The following GRM8 variants were observed in gnomAD, a reference collection of about 807,000 sequenced individuals.
GRM8 encodes glutamate metabotropic receptor 8, also known as metabotropic glutamate receptor 8.
In GRM8, 47 loss-of-function variants were observed where a neutral mutation model predicts 87.2. That is an observed-to-expected ratio of 0.54 (90% CI 0.43 to 0.69). GRM8 has a LOEUF of 0.69. Ranked by LOEUF, GRM8 falls within the 30% of genes least tolerant of loss-of-function variation. The pLI is 0.00. For missense variants in GRM8, 1,019 were observed against 1,139.2 expected (o/e 0.89, Z 1.52); for synonymous variants, 396 against 404.5 (o/e 0.98, Z 0.25).
intron 6 of GRM8, among the ~76,000 whole-genome samples, chr7:126,842,770 G>A (rs1219134378): frequency 6.6e-6 from 1 of 152,188 alleles, no homozygotes; most frequent in Admixed American, 6.5e-5. Context: ...GCAGCTTCTA[G>A]AAGCTGAAAA....
At chr7:127,122,572 T>C (rs1827148043) in intron 2 of GRM8, among the ~76,000 whole-genome samples, 2 of 136,120 alleles carry the variant, frequency 1.5e-5, no homozygotes, top group African/African-American at 3.0e-5. Context: ...ACATACACAT[T>C]GCTTTTTGGA....
At chr7:127,165,986 C>T (rs990518709) in intron 2 of GRM8, among the ~76,000 whole-genome samples, 30 of 152,070 alleles carry the variant, frequency 2.0e-4, no homozygotes, top group African/African-American at 6.8e-4. Flanking sequence ...ATTTCAAAAT[C>T]TGTGAATAAA....
intron 8 of GRM8, among the ~76,000 whole-genome samples, chr7:126,571,034 C>T (rs1794648700): frequency 6.6e-6 from 1 of 152,156 alleles, no homozygotes; most frequent in Admixed American, 6.6e-5. Flanking sequence ...CATGAGGTCA[C>T]TTTCAAACCA....
chr7:126,733,742 T>C (rs2151488744), intron 7 of GRM8, among the ~76,000 whole-genome samples: 1 of 152,076 alleles, frequency 6.6e-6, no homozygotes, highest in Non-Finnish European at 1.5e-5. Flanking sequence ...TTAGTAAAAC[T>C]TTAAATTAGA....
At chr7:127,122,816 T>G (rs1827162427) in intron 2 of GRM8, among the ~76,000 whole-genome samples, 1 of 152,040 alleles carries the variant, frequency 6.6e-6, no homozygotes, top group Non-Finnish European at 1.5e-5. Context: ...TAAAAAAAAT[T>G]CAACACGTCA....
intron 9 of GRM8, among the ~76,000 whole-genome samples, chr7:126,500,346 C>T (rs546089959): frequency 1.4e-4 from 21 of 151,960 alleles, no homozygotes; most frequent in Admixed American, 9.8e-4. Context: ...CTTTGTTCTT[C>T]GAATAGAAGG....
At position 126,918,775 on chromosome 7, in the gene GRM8, G is replaced by A. The variant is rs186342924; in HGVS notation, c.728-14092C>T. On this transcript the variant is annotated intron_variant, in intron 3 of 10. Coordinates refer to ENST00000339582, the MANE Select transcript of GRM8 (RefSeq NM_000845.3). Reference sequence around the variant, plus strand: ...AACATCTACATTCTCAGTGTTATAGGAAATATAGCCGGTGTTTTATAACAT... The same window carrying A: ...AACATCTACATTCTCAGTGTTATAGAAAATATAGCCGGTGTTTTATAACAT... Among the ~76,000 whole-genome samples the A allele has an allele frequency of 3.6e-3, 551 of 152,226 alleles. 3 individuals carry two copies. The highest frequency in any genetic ancestry group is 6.4e-3 in the Non-Finnish European group (433 of 68,020).
At chr7:126,460,528 C>T (rs905548333) in intron 9 of GRM8, among the ~76,000 whole-genome samples, 3 of 151,582 alleles carry the variant, frequency 2.0e-5, no homozygotes, top group African/African-American at 7.3e-5. Context: ...ACTCATAACT[C>T]TAGACCACAG....
At chr7:126,920,130 C>T (rs936670325) in intron 3 of GRM8, among the ~76,000 whole-genome samples, 2 of 152,118 alleles carry the variant, frequency 1.3e-5, no homozygotes, top group Non-Finnish European at 2.9e-5. Context: ...ACTGATCTCT[C>T]TCTGTCTCTC....
chr7:127,229,839 A>G (rs1797571466), intron 2 of GRM8: 1 of 152,314 alleles, frequency 6.6e-6, no homozygotes, highest in South Asian at 2.1e-4. Context: ...GGTTAGGAAA[A>G]TGGAAAAGAA....
At chr7:126,739,138 T>C (rs570103265) in intron 7 of GRM8, among the ~76,000 whole-genome samples, 14 of 152,108 alleles carry the variant, frequency 9.2e-5, no homozygotes, top group African/African-American at 2.9e-4. Flanking sequence ...GAAAGAAGAA[T>C]GCAGACATCC....
In GRM8 at chr7:126,656,482, A is replaced by T. The variant is rs77911855; in HGVS notation, c.1358-46984T>A. Among the ~76,000 whole-genome samples, 12 of 152,004 alleles carry T rather than the reference A, an allele frequency of 7.9e-5. 1 individual carries two copies. In the South Asian group the frequency reaches 1.5e-3, roughly 18 times the overall value. On this transcript the variant is annotated intron_variant, in intron 7 of 10. Transcript: ENST00000339582. ...TCGCAAGGTCAGGAGATCGAGACCA[A>T]CCTGACCAACATGGTTTCTACTAAA...
At chr7:126,777,553 G>A (rs1367245257) in intron 6 of GRM8, among the ~76,000 whole-genome samples, 1 of 152,088 alleles carries the variant, frequency 6.6e-6, no homozygotes, top group African/African-American at 2.4e-5. Context: ...TGATTAGCTT[G>A]TCTCTTAAAT....
intron 6 of GRM8, among the ~76,000 whole-genome samples, chr7:126,822,522 C>T (rs1340190312): frequency 1.3e-5 from 2 of 151,012 alleles, no homozygotes; most frequent in Non-Finnish European, 3.0e-5. Flanking sequence ...CCTTCCCTTC[C>T]CTTCCTTGTC....
chr7:127,189,043 T>C (rs1794885065), intron 2 of GRM8, among the ~76,000 whole-genome samples: 1 of 152,200 alleles, frequency 6.6e-6, no homozygotes, highest in African/African-American at 2.4e-5. Flanking sequence ...GCTTCAGAAG[T>C]GTCTTTTATA....
intron 6 of GRM8, among the ~76,000 whole-genome samples, chr7:126,812,722 C>T (rs1793419031): frequency 6.6e-6 from 1 of 151,984 alleles, no homozygotes; most frequent in Non-Finnish European, 1.5e-5. Flanking sequence ...ACTGAGGTAC[C>T]ATCAGCTCAG....
At chr7:126,461,464 T>C (rs1324364556) in intron 9 of GRM8, among the ~76,000 whole-genome samples, 2 of 151,580 alleles carry the variant, frequency 1.3e-5, no homozygotes, top group Non-Finnish European at 3.0e-5. Flanking sequence ...CACCCCAGAC[T>C]TTCAAGTCAT....
intron 8 of GRM8, among the ~76,000 whole-genome samples, chr7:126,590,621 C>T (rs1796584498): frequency 1.3e-5 from 2 of 152,046 alleles, no homozygotes; most frequent in Admixed American, 1.3e-4. Context: ...AGCTGTGAGG[C>T]AAAAGTGCCA....
At chr7:126,514,320 A>C (rs950254563) in intron 9 of GRM8, among the ~76,000 whole-genome samples, 1 of 152,166 alleles carries the variant, frequency 6.6e-6, no homozygotes, top group African/African-American at 2.4e-5. Context: ...AGTTCAATAA[A>C]GCTGTAGTGA....
Sources: allele counts gnomAD v4.1 joint callset (sites outside exome capture counted in the v4.1 genomes callset), GRCh38; gene constraint gnomAD v4.1.1; transcripts MANE v1.5; gene names NCBI Gene and HGNC (gene_info 2026-07-23, HGNC 2026-07-21).